Variants in KIT observed in about 807,000 individuals in gnomAD.
KIT encodes the protein mast/stem cell growth factor receptor Kit.
KIT carries 16 observed loss-of-function variants against 105.7 expected under a neutral mutation model. The observed-to-expected ratio is 0.15, with a 90% CI of 0.10 to 0.23. The LOEUF (loss-of-function observed/expected upper bound fraction) is 0.23, where lower values mean the gene tolerates loss of function less well. KIT is among the 10% of genes least tolerant of loss of function. KIT has a pLI of 1.00. For missense variants in KIT, 858 were observed against 1,213.8 expected (o/e 0.71, Z 4.36); for synonymous variants, 438 against 441.1 (o/e 0.99, Z 0.09).
chr4:54,677,348 G>A (rs1278574680), intron 1 of KIT, among the ~76,000 whole-genome samples: 1 of 151,234 alleles, frequency 6.6e-6, no homozygotes, highest in Non-Finnish European at 1.5e-5. Context: ...CACTGTGGCA[G>A]CGAAATTTCA....
At chr4:54,689,947 T>A (rs2109639320) in intron 1 of KIT, among the ~76,000 whole-genome samples, 1 of 152,182 alleles carries the variant, frequency 6.6e-6, no homozygotes, top group South Asian at 2.1e-4. Flanking sequence ...CCTATGTACG[T>A]CATATAACTG....
intron 1 of KIT, among the ~76,000 whole-genome samples, chr4:54,673,362 T>G (rs1718248032): frequency 6.6e-6 from 1 of 152,190 alleles, no homozygotes; most frequent in Non-Finnish European, 1.5e-5. Flanking sequence ...AATTGAAAAA[T>G]TTTCCTCCTT....
chr4:54,713,624 A>G (rs897402169), intron 7 of KIT, among the ~76,000 whole-genome samples: 2 of 152,228 alleles, frequency 1.3e-5, no homozygotes, highest in Admixed American at 6.5e-5. Flanking sequence ...TAATTGCTTA[A>G]TAGATTCATC....
In KIT at chr4:54,720,398, G is replaced by A. The variant is rs139588512; in HGVS notation, c.1232-3186G>A. ...ACAAGTAGGCCAGCCAGACCACACC[G>A]TTGCCAGCCATGGCTGTTGTATAAC... On this transcript the variant is annotated intron_variant, in intron 7 of 20. Coordinates refer to ENST00000288135, the MANE Select transcript of KIT (RefSeq NM_000222.3). Among the ~76,000 whole-genome samples, 419 of 152,258 alleles carry A rather than the reference G, an allele frequency of 2.8e-3. 3 individuals carry two copies. Among genetic ancestry groups the A allele is most frequent in the African/African-American group, 9.6e-3 (398 of 41,538 alleles).
rs1454374321 is a variant in KIT, at chr4:54,727,561, C to T, written c.1774+19C>T. ...AGTTTTGGTCAGTATGAAACAGGGG[C>T]TTTCCATGTCACCTTTTTGGGTACA... On this transcript the variant is annotated intron_variant, in intron 11 of 20. Transcript: ENST00000288135. 1.9e-6 allele frequency: 3 copies of T among 1,613,972 alleles called. No individual in the cohort carries two copies. Among genetic ancestry groups the T allele is most frequent in the East Asian group, 4.5e-5 (2 of 44,862 alleles).
Position 54,682,132 on chromosome 4 carries a change from C to T in KIT, c.68-13380C>T, listed in dbSNP as rs543045905. 1.6e-4 allele frequency among the ~76,000 whole-genome samples: 24 copies of T among 148,994 alleles called. No individual in the cohort carries two copies. The East Asian group carries it at 4.7e-3, about 29-fold the overall frequency. On this transcript the variant is annotated intron_variant, in intron 1 of 20. Transcript: ENST00000288135. ...TGAGACTGGATCTCTCTTTGTCTCC[C>T]AGGCTGGAGTGTAGTGGCACGATCA...
intron 1 of KIT, among the ~76,000 whole-genome samples, chr4:54,670,275 T>G (rs773503719): frequency 3.3e-5 from 5 of 152,222 alleles, no homozygotes; most frequent in Non-Finnish European, 5.9e-5. Flanking sequence ...CTGGAGATTC[T>G]GCCCCTCTTT....
At chr4:54,725,726 A>G in intron 8 of KIT, 131 bp from the exon 9 acceptor site, 1 of 893,192 alleles carries the variant, frequency 1.1e-6, no homozygotes, top group South Asian at 1.5e-5. Flanking sequence ...ATTCTTAGAC[A>G]CTTGTAAAAG....
At chr4:54,731,222 TC>T in intron 14 of KIT, 105 bp from the exon 15 acceptor site, 1 of 797,160 alleles carries the variant, frequency 1.3e-6, no homozygotes. Flanking sequence ...CTCAAATTGG[TC>T]CAGTCTATTA....
chr4:54,664,371 C>T (rs552977760), intron 1 of KIT, among the ~76,000 whole-genome samples: 1 of 152,168 alleles, frequency 6.6e-6, no homozygotes, highest in East Asian at 1.9e-4. Context: ...ATGAAGAATG[C>T]TTTGAAGTCA....
chr4:54,737,435 G>C (rs1415978164), intron 20 of KIT, among the ~76,000 whole-genome samples, 155 bp downstream of exon 20: 1 of 152,140 alleles, frequency 6.6e-6, no homozygotes, highest in Non-Finnish European at 1.5e-5. Context: ...TAAAGCAATG[G>C]AAACTAGTTC....
chr4:54,733,900 T>G (rs1722759275), intron 17 of KIT, among the ~76,000 whole-genome samples: 1 of 152,180 alleles, frequency 6.6e-6, no homozygotes, highest in Non-Finnish European at 1.5e-5. Context: ...ATATTGCCCT[T>G]TATAATATTC....
chr4:54,727,560 G>T lies in KIT; in HGVS notation c.1774+18G>T, dbSNP rs1722317739. On this transcript the variant is annotated intron_variant, in intron 11 of 20. Coordinates refer to ENST00000288135, the MANE Select transcript of KIT (RefSeq NM_000222.3). ...GAGTTTTGGTCAGTATGAAACAGGG[G>T]CTTTCCATGTCACCTTTTTGGGTAC... 1 of 1,613,958 alleles carries T rather than the reference G, an allele frequency of 6.2e-7. No homozygotes were observed.
rs975917874 is a variant in KIT at position 54,658,000 on chromosome 4, A to T, written c.-15A>T. 13 of 1,613,148 alleles carry T rather than the reference A, an allele frequency of 8.1e-6. No individual in the cohort carries two copies. In the East Asian group the frequency reaches 2.9e-4, roughly 36 times the overall value. On this transcript the variant is annotated 5_prime_UTR_variant, in exon 1 of 21. Transcript: ENST00000288135. Reference sequence around the variant, plus strand: ...GAACGTGGACCAGAGCTCGGATCCCATCGCAGCTACCGCGATGAGAGGCGC... The same window carrying T: ...GAACGTGGACCAGAGCTCGGATCCCTTCGCAGCTACCGCGATGAGAGGCGC...
chr4:54,662,342 G>T (rs1367581916), intron 1 of KIT, among the ~76,000 whole-genome samples: 1 of 152,136 alleles, frequency 6.6e-6, no homozygotes, highest in Non-Finnish European at 1.5e-5. Context: ...AGCTTTCATT[G>T]TCCATCCTAG....
rs8022 is a variant in KIT, at chr4:54,740,261, G to T, written c.*1704G>T. 0.14 allele frequency: 33,735 copies of T among 233,390 alleles called. 3,107 individuals are homozygous for T. The highest frequency in any genetic ancestry group is 0.29 in the African/African-American group (12,992 of 45,360). The allele number at this position is 233,390 out of a possible 1,614,324, so 14.5% of individuals were successfully genotyped here. A position where few individuals can be genotyped will look rare whatever the true frequency, so the allele number is the denominator to read the frequency against. Reference sequence around the variant, plus strand: ...TCCAAAGTTAACAGATTTTGGGGTTGTGTTGTCACCCAAGAGATTGTTGTT... The same window carrying T: ...TCCAAAGTTAACAGATTTTGGGGTTTTGTTGTCACCCAAGAGATTGTTGTT... On this transcript the variant is annotated 3_prime_UTR_variant, in exon 21 of 21. Coordinates refer to ENST00000288135, the MANE Select transcript of KIT (RefSeq NM_000222.3).
At chr4:54,732,791 A>G (rs988878471) in intron 16 of KIT, among the ~76,000 whole-genome samples, 2 of 152,164 alleles carry the variant, frequency 1.3e-5, no homozygotes, top group Admixed American at 1.3e-4. Context: ...TGATATGACT[A>G]TTTCTTATGT....
chr4:54,719,772 C>T (rs17084692), intron 7 of KIT, among the ~76,000 whole-genome samples: 9,199 of 152,162 alleles, frequency 0.06, 895 homozygotes, highest in African/African-American at 0.21. Context: ...ATGCCAAACA[C>T]GGTGCATTGA....
chr4:54,704,519 C>CAGA (rs1185672934), intron 5 of KIT, among the ~76,000 whole-genome samples: 1 of 152,088 alleles, frequency 6.6e-6, no homozygotes, highest in Non-Finnish European at 1.5e-5. Flanking sequence ...CCCATCATAT[C>CAGA]TGGTATGCAC....
Sources: allele counts gnomAD v4.1 joint callset (sites outside exome capture counted in the v4.1 genomes callset), GRCh38; gene constraint gnomAD v4.1.1; transcripts MANE v1.5; gene names NCBI Gene and HGNC (gene_info 2026-07-23, HGNC 2026-07-21).